Variants in ERG observed in about 807,000 individuals in gnomAD.
ERG encodes ETS transcription factor ERG, also known as transcriptional regulator ERG.
In ERG, 9 loss-of-function variants were observed where a neutral mutation model predicts 55.3. The observed-to-expected ratio is 0.16, with a 90% CI of 0.10 to 0.28. ERG has a LOEUF of 0.28. Ranked by LOEUF, ERG falls within the 10% of genes least tolerant of loss-of-function variation. The pLI, the probability that ERG is intolerant of heterozygous loss-of-function variation, is 1.00. For missense variants in ERG, 434 were observed against 631.6 expected (o/e 0.69, Z 3.35); for synonymous variants, 223 against 237.3 (o/e 0.94, Z 0.55).
intron 1 of ERG, among the ~76,000 whole-genome samples, chr21:38,622,382 A>C (rs1363385465): frequency 6.6e-6 from 1 of 150,690 alleles, no homozygotes; most frequent in Non-Finnish European, 1.5e-5. Context: ...CTCACAGCAC[A>C]CACCACACAC....
chr21:38,422,738 T>C (rs1286552572), intron 3 of ERG, among the ~76,000 whole-genome samples: 1 of 152,228 alleles, frequency 6.6e-6, no homozygotes, highest in Non-Finnish European at 1.5e-5. Context: ...GAATTATGTT[T>C]GTGGTAAAGA....
chr21:38,477,408 A>G (rs972182780), intron 1 of ERG, among the ~76,000 whole-genome samples: 1 of 152,118 alleles, frequency 6.6e-6, no homozygotes, highest in Non-Finnish European at 1.5e-5. Context: ...TGGTCACAGA[A>G]GGGAGATTTT....
At chr21:38,438,236 T>A (rs2058808950) in intron 2 of ERG, among the ~76,000 whole-genome samples, 1 of 152,234 alleles carries the variant, frequency 6.6e-6, no homozygotes, top group African/African-American at 2.4e-5. Flanking sequence ...AGAGCTGCCA[T>A]CCGCTTCACG....
upstream of ERG, among the ~76,000 whole-genome samples, chr21:38,500,871 T>C (rs1458159590): frequency 6.6e-6 from 1 of 152,162 alleles, no homozygotes. Flanking sequence ...GTAAATTCTG[T>C]TCCAAAATTT....
intron 1 of ERG, among the ~76,000 whole-genome samples, chr21:38,597,417 T>C (rs1056594704): frequency 6.6e-6 from 1 of 151,698 alleles, no homozygotes; most frequent in South Asian, 2.1e-4. Flanking sequence ...TAAAGATGGG[T>C]GTAATAAGAT....
intron 1 of ERG, among the ~76,000 whole-genome samples, chr21:38,656,540 G>C (rs1006182314): frequency 3.3e-5 from 5 of 152,148 alleles, no homozygotes; most frequent in African/African-American, 1.2e-4. Flanking sequence ...GCAGAAAAAT[G>C]TGCACGCTCC....
intron 2 of ERG, among the ~76,000 whole-genome samples, chr21:38,439,283 C>T (rs777963943): frequency 2.4e-4 from 37 of 152,190 alleles, no homozygotes; most frequent in Admixed American, 8.5e-4. Context: ...AGCCTGCTCA[C>T]GAGAAGACAG....
chr21:38,478,749 T>G (rs1337846959), intron 1 of ERG, among the ~76,000 whole-genome samples: 1 of 152,174 alleles, frequency 6.6e-6, no homozygotes, highest in Non-Finnish European at 1.5e-5. Context: ...GAAATCATAG[T>G]GTTTGACAAT....
chr21:38,655,015 C>T (rs999209256), intron 1 of ERG, among the ~76,000 whole-genome samples: 2 of 152,144 alleles, frequency 1.3e-5, no homozygotes, highest in Admixed American at 1.3e-4. Context: ...GAAATCTCAG[C>T]TTTCTGATAC....
chr21:38,520,074 GT>G (rs1267075867), intron 2 of ERG, among the ~76,000 whole-genome samples: 3 of 152,008 alleles, frequency 2.0e-5, no homozygotes, highest in African/African-American at 7.2e-5. Flanking sequence ...TTTCTCCTCA[GT>G]TAGCAGGTCA....
chr21:38,391,589 A>C, intron 8 of ERG, 70 bp downstream of exon 8: 2 of 1,251,020 alleles, frequency 1.6e-6, no homozygotes, highest in Non-Finnish European at 2.3e-6. Context: ...TAAAAAGTGA[A>C]GCATTTTAGA....
intron 2 of ERG, among the ~76,000 whole-genome samples, chr21:38,517,870 C>A (rs2059563603): frequency 6.6e-6 from 1 of 152,032 alleles, no homozygotes; most frequent in Non-Finnish European, 1.5e-5. Context: ...GGACAAATAC[C>A]ACATGTTCTC....
intron 1 of ERG, among the ~76,000 whole-genome samples, chr21:38,451,408 G>C: frequency 6.6e-6 from 1 of 152,220 alleles, no homozygotes; most frequent in East Asian, 1.9e-4. Context: ...GACATGGCCA[G>C]GTGTTGGGAT....
chr21:38,498,938 T>C (rs764062858), upstream of ERG, among the ~76,000 whole-genome samples: 23 of 152,204 alleles, frequency 1.5e-4, no homozygotes, highest in Non-Finnish European at 2.2e-4. The surrounding 1 kb of genome is among the most constrained non-coding windows in gnomAD (Gnocchi z 4.6). Flanking sequence ...TTCATGTTAA[T>C]AGATGGCCAT....
chr21:38,553,174 C>T (rs61246921), intron 2 of ERG, among the ~76,000 whole-genome samples: 5,158 of 152,036 alleles, frequency 0.034, 197 homozygotes, highest in East Asian at 0.12. Context: ...AAACAAAGAT[C>T]AAAGAAATCA....
At chr21:38,390,930 A>G (rs1044862406) in intron 9 of ERG, 65 bp downstream of exon 9, 2 of 1,309,146 alleles carry the variant, frequency 1.5e-6, no homozygotes, top group Admixed American at 3.5e-5. Context: ...ATACCAATTT[A>G]CTTTTCAAAA....
chr21:38,635,489 GAAAT>G (rs2146962803), intron 1 of ERG, among the ~76,000 whole-genome samples: 1 of 152,130 alleles, frequency 6.6e-6, no homozygotes, highest in South Asian at 2.1e-4. Flanking sequence ...CATAAATAAA[GAAAT>G]AGTGAGTAAT....
intron 1 of ERG, among the ~76,000 whole-genome samples, chr21:38,657,856 G>T (rs544870499): frequency 1.3e-5 from 2 of 152,240 alleles, no homozygotes; most frequent in African/African-American, 4.8e-5. Context: ...TGGAGGGGTG[G>T]CTGGTCACTG....
chr21:38,507,299 T>C (rs1456964417), intron 2 of ERG, among the ~76,000 whole-genome samples: 1 of 152,224 alleles, frequency 6.6e-6, no homozygotes, highest in Non-Finnish European at 1.5e-5. Flanking sequence ...ACAGGGACCT[T>C]GGCTTCATCC....
Sources: gnomAD v4.1 joint callset for allele counts (sites outside exome capture counted in the v4.1 genomes callset) on GRCh38, gnomAD v4.1.1 for gene constraint, Gnocchi (gnomAD v3.1) non-coding constraint, MANE v1.5 for transcripts, NCBI Gene and HGNC (gene_info 2026-07-23, HGNC 2026-07-21) for gene names.